Variants in ARRB1 observed in about 807,000 individuals in gnomAD.
ARRB1 encodes beta-arrestin-1.
A neutral mutation model predicts 56.8 loss-of-function variants in ARRB1; 21 were observed. The observed-to-expected ratio is 0.37, with a 90% CI of 0.26 to 0.53. The LOEUF (loss-of-function observed/expected upper bound fraction) is 0.53. Ranked by LOEUF, ARRB1 falls within the 20% of genes least tolerant of loss-of-function variation. ARRB1 has a pLI of 0.88. For synonymous variants in ARRB1, 210 were observed against 218.6 expected, an observed-to-expected ratio of 0.96 and a Z score of 0.35; for missense variants, 424 against 553.7, an observed-to-expected ratio of 0.77 and a Z score of 2.35.
intron 9 of ARRB1, among the ~76,000 whole-genome samples, 184 bp from the exon 10 acceptor site, chr11:75,277,095 T>C: frequency 6.6e-6 from 1 of 151,952 alleles, no homozygotes; most frequent in East Asian, 1.9e-4. Flanking sequence ...CCCATTTCCT[T>C]CCATAACCAA....
chr11:75,273,927 G>T, intron 11 of ARRB1, 147 bp downstream of exon 11: 2 of 1,282,788 alleles, frequency 1.6e-6, no homozygotes, highest in Non-Finnish European at 1.1e-6. Context: ...CAGCTTCCCT[G>T]ACAAGTCAAG....
At chr11:75,287,035 C>A (rs971418482) in intron 3 of ARRB1, among the ~76,000 whole-genome samples, 2 of 152,178 alleles carry the variant, frequency 1.3e-5, no homozygotes, top group African/African-American at 4.8e-5. Flanking sequence ...ACATGACACG[C>A]CTTATAGTAA....
intron 1 of ARRB1, among the ~76,000 whole-genome samples, chr11:75,294,610 T>C (rs985965059): frequency 3.4e-5 from 1 of 29,206 alleles, no homozygotes; most frequent in Non-Finnish European, 9.8e-5. Flanking sequence ...AATAAATAAC[T>C]TAAAATATTT....
intron 1 of ARRB1, among the ~76,000 whole-genome samples, chr11:75,327,568 AT>A (rs1342751090): frequency 6.9e-6 from 1 of 144,032 alleles, no homozygotes; most frequent in Non-Finnish European, 1.5e-5. Context: ...GAGTTTGTTT[AT>A]TTTTTTGTTT....
intron 1 of ARRB1, among the ~76,000 whole-genome samples, chr11:75,325,060 C>T (rs1213041412): frequency 6.6e-6 from 1 of 152,112 alleles, no homozygotes; most frequent in Non-Finnish European, 1.5e-5. Context: ...TGGCAGAGAA[C>T]GTATGCTGGT....
At chr11:75,349,622 G>T (rs942826534) in intron 1 of ARRB1, among the ~76,000 whole-genome samples, 6 of 152,224 alleles carry the variant, frequency 3.9e-5, no homozygotes, top group African/African-American at 1.2e-4. Context: ...ATGGAGTGGA[G>T]AATGGCTCCG....
chr11:75,336,619 G>C (rs542271698), intron 1 of ARRB1, among the ~76,000 whole-genome samples: 1 of 152,322 alleles, frequency 6.6e-6, no homozygotes, highest in South Asian at 2.1e-4. Flanking sequence ...GCGAGACTGA[G>C]ACTGTCCCAG....
At chr11:75,303,345 G>A (rs896760308) in intron 1 of ARRB1, among the ~76,000 whole-genome samples, 4 of 151,980 alleles carry the variant, frequency 2.6e-5, no homozygotes, top group South Asian at 2.1e-4. Flanking sequence ...TTCCAGGTGC[G>A]TGCCCTGCTC....
rs563251690 is a variant in ARRB1, at chr11:75,272,860, C to T, written c.998+35G>A. 12 of 1,610,892 alleles carry T rather than the reference C, an allele frequency of 7.4e-6. No individual in the cohort carries two copies. In the African/African-American group the frequency reaches 1.3e-4, roughly 18 times the overall value. On this transcript the variant is annotated intron_variant, in intron 12 of 15. Coordinates refer to ENST00000420843, the MANE Select transcript of ARRB1 (RefSeq NM_004041.5). ...TGGGCACCTGGGACGCTCCCCTCTG[C>T]ACTCCGGGGTCTTGGGCTTGGCTGG...
At chr11:75,272,092 G>A (rs938869783) in intron 12 of ARRB1, among the ~76,000 whole-genome samples, 2 of 152,204 alleles carry the variant, frequency 1.3e-5, no homozygotes, top group Admixed American at 6.5e-5. Flanking sequence ...TGTGGGTCCT[G>A]AAAGGTCACC....
intron 1 of ARRB1, among the ~76,000 whole-genome samples, chr11:75,328,549 A>C (rs538906403): frequency 5.9e-5 from 9 of 152,274 alleles, no homozygotes; most frequent in Admixed American, 3.9e-4. Context: ...CCCTTCTTAC[A>C]TCCTTGTCTC....
chr11:75,267,954 A>G (rs1945969982), intron 14 of ARRB1, among the ~76,000 whole-genome samples: 1 of 152,020 alleles, frequency 6.6e-6, no homozygotes, highest in Non-Finnish European at 1.5e-5. Context: ...AATCCTCTAA[A>G]CTTCTGTTTC....
intron 13 of ARRB1, among the ~76,000 whole-genome samples, chr11:75,269,865 C>T (rs527646252): frequency 1.3e-5 from 2 of 152,326 alleles, no homozygotes; most frequent in Non-Finnish European, 2.9e-5. Context: ...AGAATTGAGA[C>T]TAACAAAAGC....
chr11:75,287,826 G>A (rs370395874), intron 2 of ARRB1, among the ~76,000 whole-genome samples: 6 of 152,220 alleles, frequency 3.9e-5, no homozygotes, highest in East Asian at 1.9e-4. Context: ...GCAGCCAGGC[G>A]GGGATCCACT....
intron 15 of ARRB1, among the ~76,000 whole-genome samples, chr11:75,267,394 G>A (rs1945947413): frequency 6.6e-6 from 1 of 152,132 alleles, no homozygotes; most frequent in South Asian, 2.1e-4. Context: ...ATGGACGAAC[G>A]GACTGACGGA....
intron 1 of ARRB1, among the ~76,000 whole-genome samples, chr11:75,313,228 G>A (rs1451281317): frequency 3.3e-5 from 5 of 152,194 alleles, no homozygotes; most frequent in African/African-American, 7.2e-5. Context: ...GCTCTTGCCT[G>A]TAATCCCAGG....
At chr11:75,339,297 G>A (rs1386017986) in intron 1 of ARRB1, among the ~76,000 whole-genome samples, 1 of 152,222 alleles carries the variant, frequency 6.6e-6, no homozygotes, top group Non-Finnish European at 1.5e-5. Context: ...CAGGTTTGCT[G>A]AGCCCAGTGT....
In ARRB1 at chr11:75,265,878, T is replaced by C. The variant is rs924470354; in HGVS notation, c.*285A>G. ...GTCTGCTCCCCATCTCAAGTCCAAT[T>C]CCAAGGCCAGAGCCCTGGCAGCTTT... On this transcript the variant is annotated 3_prime_UTR_variant, in exon 16 of 16. Transcript: ENST00000420843. 1.8e-5 allele frequency: 8 copies of C among 447,972 alleles called. No individual in the cohort carries two copies. The highest frequency in any genetic ancestry group is 1.4e-4 in the African/African-American group (7 of 50,208). The allele number at this position is 447,972 out of a possible 1,614,324, so 27.7% of individuals were successfully genotyped here.
At chr11:75,323,395 G>C (rs1282200183) in intron 1 of ARRB1, among the ~76,000 whole-genome samples, 1 of 152,172 alleles carries the variant, frequency 6.6e-6, no homozygotes, top group Non-Finnish European at 1.5e-5. Context: ...GAGGCGGGTG[G>C]ATCACTTGCG....
Sources: gnomAD v4.1 joint callset for allele counts (sites outside exome capture counted in the v4.1 genomes callset) on GRCh38, gnomAD v4.1.1 for gene constraint, MANE v1.5 for transcripts, NCBI Gene and HGNC (gene_info 2026-07-23, HGNC 2026-07-21) for gene names.